IL1RL2: variants seen among roughly 807,000 people sequenced by gnomAD.
IL1RL2 encodes the protein interleukin-1 receptor-like 2.
IL1RL2 carries 68 observed loss-of-function variants against 66.8 expected under a neutral mutation model. The observed-to-expected ratio is 1.02, with a 90% CI of 0.84 to 1.25. IL1RL2 has a LOEUF of 1.25. Ranked by LOEUF, IL1RL2 falls within the 50% of genes most tolerant of loss-of-function variation. The pLI, the probability that IL1RL2 is intolerant of heterozygous loss-of-function variation, is 0.00. For synonymous variants in IL1RL2, 305 were observed against 264.6 expected, an observed-to-expected ratio of 1.15 and a Z score of -1.48; for missense variants, 729 against 709.3, an observed-to-expected ratio of 1.03 and a Z score of -0.32.
In IL1RL2 at chr2:102,189,158, A is replaced by G. The variant is rs767839015; in HGVS notation, c.141A>G (p.Ile47Met). Residue 47 changes from isoleucine (I) to methionine (M), a missense_variant, in exon 3 of 12, where the codon ATA becomes ATG. By Grantham distance (10) the Ile-to-Met change is conservative. Transcript: ENST00000264257. ...CTTTTAATTGTACATTCCCTCCCAT[A>G]ACATCTGGGGAAGTCAGTGTAACAT... is the stretch of plus-strand genomic sequence containing the variant. ...PFAFNCTFPP[I>M]TSGEVSVTWY... 3 of 1,614,136 alleles carry G rather than the reference A, an allele frequency of 1.9e-6. No individual in the cohort carries two copies. The highest frequency in any genetic ancestry group is 3.3e-5 in the Admixed American group (2 of 60,028).
At chr2:102,187,127 T>TG (rs1686746726) in intron 1 of IL1RL2, 41 bp downstream of exon 1, 1 of 1,286,468 alleles carries the variant, frequency 7.8e-7, no homozygotes, top group Non-Finnish European at 1.0e-6. Context: ...CAGGCATGGG[T>TG]GGGGCCCTGA....
intron 6 of IL1RL2, among the ~76,000 whole-genome samples, chr2:102,218,197 G>A (rs1471829309): frequency 6.6e-6 from 1 of 152,008 alleles, no homozygotes; most frequent in African/African-American, 2.4e-5. Flanking sequence ...TGAGGTGAAA[G>A]TGTTACAGAT....
At chr2:102,200,374 G>C (rs1019191288) in intron 4 of IL1RL2, among the ~76,000 whole-genome samples, 1 of 152,168 alleles carries the variant, frequency 6.6e-6, no homozygotes, top group Non-Finnish European at 1.5e-5. Flanking sequence ...CATCCTGCTG[G>C]GCGGCTCTAT....
At position 102,233,066 on chromosome 2, in the gene IL1RL2, G is replaced by A. The variant is rs1373512746; in HGVS notation, c.1239G>A (p.Leu413=). 2 of 1,614,034 alleles carry A rather than the reference G, an allele frequency of 1.2e-6. No homozygotes were observed. The highest frequency in any genetic ancestry group is 1.7e-6 in the Non-Finnish European group (2 of 1,180,022). The change falls in exon 10 of 12, where the codon TTG becomes TTA. Residue 413 remains leucine, a synonymous_variant. Coordinates refer to ENST00000264257, the MANE Select transcript of IL1RL2 (RefSeq NM_003854.4). The part of the protein sequence containing the change: ...ALVLNILPEV[L]ERQCGYKLFI... ...TGTTGAATATCCTGCCCGAGGTGTT[G>A]GAGAGACAATGTGGATATAAGTTGT... is the stretch of plus-strand genomic sequence containing the variant.
Position 102,227,470 on chromosome 2 carries a change from G to A in IL1RL2, c.1135+1429G>A, listed in dbSNP as rs146786345. Among the ~76,000 whole-genome samples, 75 of 152,298 alleles carry A rather than the reference G, an allele frequency of 4.9e-4. 1 individual carries two copies. In the East Asian group the frequency reaches 0.012, roughly 25 times the overall value. On this transcript the variant is annotated intron_variant, in intron 9 of 11. Transcript: ENST00000264257. ...TTAGCAACCCTGAGCAATGTAGAAA[G>A]CGATAAACTCCTTTTTAATGACAAA... is the stretch of plus-strand genomic sequence containing the variant.
chr2:102,187,866 G>A lies in IL1RL2; in HGVS notation c.-2G>A, dbSNP rs769426059. 6.2e-7 allele frequency: 1 copy of A among 1,614,168 alleles called. No homozygotes were observed. On this transcript the variant is annotated 5_prime_UTR_variant, in exon 2 of 12. Coordinates refer to ENST00000264257, the MANE Select transcript of IL1RL2 (RefSeq NM_003854.4). The stretch of plus-strand genomic sequence containing the variant: ...CTCCCTTCCTTGCAGCCCGGTTTGG[G>A]GATGTGGTCCTTGCTGCTCTGCGGG...
At chr2:102,198,012 T>G (rs1687929741) in intron 4 of IL1RL2, among the ~76,000 whole-genome samples, 1 of 152,212 alleles carries the variant, frequency 6.6e-6, no homozygotes, top group African/African-American at 2.4e-5. Flanking sequence ...TATCTTGTCT[T>G]GAATCCTTTT....
chr2:102,202,117 C>A (rs893932361), intron 5 of IL1RL2, among the ~76,000 whole-genome samples: 1 of 152,062 alleles, frequency 6.6e-6, no homozygotes, highest in Non-Finnish European at 1.5e-5. Context: ...CCTCCCCTGC[C>A]TCAAGTGCCG....
intron 6 of IL1RL2, among the ~76,000 whole-genome samples, chr2:102,217,461 T>C (rs2104823935): frequency 6.6e-6 from 1 of 152,098 alleles, no homozygotes; most frequent in South Asian, 2.1e-4. Context: ...CAAAGCAATC[T>C]TGAGAAAAAG....
intron 8 of IL1RL2, among the ~76,000 whole-genome samples, chr2:102,223,311 C>T (rs1690307357): frequency 6.6e-6 from 1 of 152,160 alleles, no homozygotes; most frequent in Non-Finnish European, 1.5e-5. Context: ...TTAAAGACAC[C>T]TCCAGATTTG....
chr2:102,193,906 TTTTATATA>T (rs1687444312), intron 4 of IL1RL2, among the ~76,000 whole-genome samples: 1 of 152,154 alleles, frequency 6.6e-6, no homozygotes, highest in Non-Finnish European at 1.5e-5. Flanking sequence ...TTATAGGAGA[TTTTATATA>T]TTTATATATC....
Position 102,202,329 on chromosome 2 carries a change from A to T in IL1RL2, c.649+614A>T, listed in dbSNP as rs539073219. ...TTTAATTTTCAATTTTTGTGGGTAC[A>T]TAATAGGTATATATATTTATATATA... On this transcript the variant is annotated intron_variant, in intron 5 of 11. Coordinates refer to ENST00000264257, the MANE Select transcript of IL1RL2 (RefSeq NM_003854.4). Among the ~76,000 whole-genome samples the T allele has an allele frequency of 1.4e-4, 21 of 151,870 alleles. 1 individual carries two copies. The highest frequency in any genetic ancestry group is 2.8e-4 in the Non-Finnish European group (19 of 67,940).
chr2:102,239,091 C>T (rs777181594), intron 11 of IL1RL2, 101 bp from the exon 12 acceptor site: 61 of 989,188 alleles, frequency 6.2e-5, no homozygotes, highest in African/African-American at 8.0e-5. Context: ...GATGAACTGA[C>T]GGCAAGGTGG....
chr2:102,206,170 C>T (rs1009327745), intron 5 of IL1RL2, among the ~76,000 whole-genome samples: 5 of 152,038 alleles, frequency 3.3e-5, no homozygotes, highest in Admixed American at 1.3e-4. Flanking sequence ...AATTTCTTTG[C>T]GTTTCCTCAA....
At position 102,233,131 on chromosome 2, in the gene IL1RL2, T is replaced by TA. The variant is rs766051156; in HGVS notation, c.1297+7_1297+8insA. On this transcript the variant is annotated splice_region_variant and intron_variant, in intron 10 of 11. Coordinates refer to ENST00000264257, the MANE Select transcript of IL1RL2 (RefSeq NM_003854.4). ...GATGAATTCCCTGGACAAGGTGGGT[T>TA]TTAAGTGAGGTGTAAAAATAACAAA... 3.5e-5 allele frequency: 56 copies of TA among 1,604,320 alleles called. No individual in the cohort carries two copies. The highest frequency in any genetic ancestry group is 4.8e-5 in the Non-Finnish European group (56 of 1,172,404).
intron 6 of IL1RL2, among the ~76,000 whole-genome samples, chr2:102,217,001 C>T (rs1194894312): frequency 7.9e-5 from 12 of 152,138 alleles, no homozygotes; most frequent in African/African-American, 2.9e-4. Context: ...GAAAGATTTA[C>T]ATAGCGCCAT....
At chr2:102,232,886 C>A in intron 9 of IL1RL2, 77 bp from the exon 10 acceptor site, 1 of 1,517,464 alleles carries the variant, frequency 6.6e-7, no homozygotes, top group Non-Finnish European at 9.0e-7. Flanking sequence ...ACCATGGTAG[C>A]CGCTCAGGCT....
intron 3 of IL1RL2, among the ~76,000 whole-genome samples, chr2:102,191,321 T>G (rs1318860918): frequency 1.3e-5 from 2 of 152,220 alleles, no homozygotes; most frequent in Non-Finnish European, 2.9e-5. Flanking sequence ...AGTTATCAAA[T>G]TCAGGAAACT....
intron 8 of IL1RL2, among the ~76,000 whole-genome samples, chr2:102,221,129 A>C (rs1232092919): frequency 1.3e-5 from 2 of 152,202 alleles, no homozygotes; most frequent in Non-Finnish European, 2.9e-5. Flanking sequence ...CCTTGGGTTC[A>C]TCTGTCACCA....
Sources: allele counts gnomAD v4.1 joint callset (sites outside exome capture counted in the v4.1 genomes callset), GRCh38; gene constraint gnomAD v4.1.1; transcripts MANE v1.5; gene names NCBI Gene and HGNC (gene_info 2026-07-23, HGNC 2026-07-21).